The following SLC25A31 variants were observed in gnomAD, a reference collection of about 807,000 sequenced individuals.
The protein encoded by SLC25A31 is solute carrier family 25 member 31.
A neutral mutation model predicts 36.2 loss-of-function variants in SLC25A31; 40 were observed. The ratio of observed to expected loss-of-function variants is 1.10; its 90% CI spans 0.86 to 1.44. SLC25A31 has a LOEUF of 1.44. Among genes scored for constraint, SLC25A31 ranks in the 40% most tolerant of loss-of-function variants. The probability of loss-of-function intolerance (pLI) is 0.00; values close to 1 mark genes in which losing one functional copy is unlikely to be tolerated. For synonymous variants in SLC25A31, 143 were observed against 149.7 expected (o/e 0.96, Z 0.32); for missense variants, 350 against 397.1 (o/e 0.88, Z 1.01).
At chr4:127,744,387 A>G (rs1025006499) in intron 1 of SLC25A31, among the ~76,000 whole-genome samples, 3 of 152,148 alleles carry the variant, frequency 2.0e-5, no homozygotes, top group African/African-American at 4.8e-5. Flanking sequence ...AATACAACTG[A>G]GTTCTGTTTA....
chr4:127,760,679 AT>A (rs1371300798), intron 2 of SLC25A31, among the ~76,000 whole-genome samples: 1 of 152,118 alleles, frequency 6.6e-6, no homozygotes, highest in Non-Finnish European at 1.5e-5. Flanking sequence ...AAATAGGATT[AT>A]TTTTCCTCAG....
At chr4:127,759,397 T>A (rs758418365) in intron 2 of SLC25A31, among the ~76,000 whole-genome samples, 2 of 152,132 alleles carry the variant, frequency 1.3e-5, no homozygotes, top group African/African-American at 4.8e-5. Flanking sequence ...ATCTTGGGTT[T>A]TCTAGGTTAA....
At chr4:127,732,458 G>A (rs1731544939) in intron 1 of SLC25A31, among the ~76,000 whole-genome samples, 1 of 152,156 alleles carries the variant, frequency 6.6e-6, no homozygotes, top group Non-Finnish European at 1.5e-5. Context: ...GGAAAAGCAA[G>A]GAACCTGTCT....
intron 2 of SLC25A31, among the ~76,000 whole-genome samples, chr4:127,746,607 C>T (rs757358120): frequency 1.3e-5 from 2 of 151,932 alleles, no homozygotes; most frequent in Non-Finnish European, 2.9e-5. Flanking sequence ...TGTTTATGTC[C>T]TTTGCCCACT....
intron 2 of SLC25A31, among the ~76,000 whole-genome samples, chr4:127,752,120 G>A (rs867242862): frequency 1.1e-4 from 17 of 152,136 alleles, no homozygotes; most frequent in African/African-American, 3.6e-4. Context: ...ACATGCATAC[G>A]TATGTTTATT....
intron 1 of SLC25A31, among the ~76,000 whole-genome samples, chr4:127,734,425 T>G (rs1731584738): frequency 6.6e-6 from 1 of 151,972 alleles, no homozygotes; most frequent in South Asian, 2.1e-4. Context: ...CTGGGCATGG[T>G]GGCGCACGCC....
intron 3 of SLC25A31, among the ~76,000 whole-genome samples, chr4:127,765,613 C>T (rs1038979779): frequency 5.3e-5 from 8 of 152,026 alleles, no homozygotes; most frequent in African/African-American, 1.9e-4. Context: ...TCACACCCCA[C>T]CCCCCATGTA....
intron 1 of SLC25A31, among the ~76,000 whole-genome samples, chr4:127,738,661 A>G (rs1318806356): frequency 1.3e-5 from 2 of 152,046 alleles, no homozygotes; most frequent in Admixed American, 6.6e-5. Flanking sequence ...TAGAATTTCT[A>G]TGTTCATTTT....
At chr4:127,762,019 G>C (rs1238586377) in intron 2 of SLC25A31, among the ~76,000 whole-genome samples, 2 of 152,150 alleles carry the variant, frequency 1.3e-5, no homozygotes, top group African/African-American at 4.8e-5. Flanking sequence ...AAACTGATGA[G>C]TGTTACTTAA....
At chr4:127,755,336 A>C (rs891408581) in intron 2 of SLC25A31, among the ~76,000 whole-genome samples, 26 of 152,238 alleles carry the variant, frequency 1.7e-4, no homozygotes, top group Admixed American at 3.3e-4. Context: ...GAGTGATGAG[A>C]CAACCCGTGA....
At chr4:127,735,423 A>C (rs1213874536) in intron 1 of SLC25A31, among the ~76,000 whole-genome samples, 1 of 152,102 alleles carries the variant, frequency 6.6e-6, no homozygotes, top group East Asian at 1.9e-4. Flanking sequence ...ACCCTATCTA[A>C]ATAGCCTTTT....
chr4:127,751,154 G>A (rs1009625354), intron 2 of SLC25A31, among the ~76,000 whole-genome samples: 11 of 152,076 alleles, frequency 7.2e-5, no homozygotes, highest in African/African-American at 1.9e-4. Flanking sequence ...GAGACATCAC[G>A]CTACCTGACT....
chr4:127,750,344 G>A (rs935158147), intron 2 of SLC25A31, among the ~76,000 whole-genome samples: 14 of 152,184 alleles, frequency 9.2e-5, no homozygotes, highest in South Asian at 4.1e-4. Flanking sequence ...TTAATGCCCT[G>A]ATAAATTGAT....
intron 1 of SLC25A31, among the ~76,000 whole-genome samples, chr4:127,735,959 G>C (rs1210030238): frequency 7.0e-6 from 1 of 143,318 alleles, no homozygotes; most frequent in Non-Finnish European, 1.5e-5. Context: ...GCGCGATCTC[G>C]GCTCACTGCA....
intron 2 of SLC25A31, among the ~76,000 whole-genome samples, chr4:127,751,998 GA>G (rs1731942501): frequency 6.6e-6 from 1 of 152,208 alleles, no homozygotes; most frequent in African/African-American, 2.4e-5. Flanking sequence ...AACCATTGTG[GA>G]AGACAGTGTG....
chr4:127,735,877 T>TTA lies in SLC25A31; in HGVS notation c.232+5101_232+5102insAT, dbSNP rs1386216751. Reference sequence around the variant, plus strand: ...GCCTAACATTCTTTTATTTTATTTATTTATTTATTTATTTATTTATTTTTT... The same window carrying TTA: ...GCCTAACATTCTTTTATTTTATTTATTATTATTTATTTATTTATTTATTTTTT... On this transcript the variant is annotated intron_variant, in intron 1 of 5. Coordinates refer to ENST00000281154, the MANE Select transcript of SLC25A31 (RefSeq NM_031291.4). Among the ~76,000 whole-genome samples the TTA allele has an allele frequency of 6.5e-3, 482 of 74,210 alleles. 17 individuals are homozygous for TTA. The highest frequency in any genetic ancestry group is 0.046 in the East Asian group (133 of 2,904). The allele number at this position is 74,210 out of a possible 152,430, so 48.7% of individuals were successfully genotyped here.
intron 1 of SLC25A31, among the ~76,000 whole-genome samples, chr4:127,742,326 G>A (rs1224279927): frequency 6.6e-6 from 1 of 152,060 alleles, no homozygotes; most frequent in Non-Finnish European, 1.5e-5. Context: ...AGATAGTATC[G>A]AGGAACTGAA....
intron 2 of SLC25A31, among the ~76,000 whole-genome samples, chr4:127,745,201 G>A (rs1230266415): frequency 1.3e-5 from 2 of 151,870 alleles, no homozygotes; most frequent in Non-Finnish European, 2.9e-5. Flanking sequence ...TCTTCTTTGA[G>A]AATAAAGATA....
At chr4:127,743,501 C>T (rs1319571196) in intron 1 of SLC25A31, among the ~76,000 whole-genome samples, 3 of 152,156 alleles carry the variant, frequency 2.0e-5, no homozygotes, top group Non-Finnish European at 4.4e-5. Context: ...GGAGAACCTA[C>T]ATAATAAGCA....
Sources: gnomAD v4.1 joint callset for allele counts (sites outside exome capture counted in the v4.1 genomes callset) on GRCh38, gnomAD v4.1.1 for gene constraint, MANE v1.5 for transcripts, NCBI Gene and HGNC (gene_info 2026-07-23, HGNC 2026-07-21) for gene names.